ADAMTSL1: variants seen among roughly 807,000 people sequenced by gnomAD.
The protein encoded by ADAMTSL1 is ADAMTS-like protein 1.
In ADAMTSL1, 126 loss-of-function variants were observed where a neutral mutation model predicts 201.8. The observed-to-expected ratio is 0.62, with a 90% CI of 0.54 to 0.72. ADAMTSL1 has a LOEUF of 0.72. Among genes scored for constraint, ADAMTSL1 ranks in the 30% least tolerant of loss-of-function variants. The probability of loss-of-function intolerance (pLI) is 0.00; values close to 1 mark genes in which losing one functional copy is unlikely to be tolerated. For missense variants in ADAMTSL1, 2,679 were observed against 2,277.8 expected (o/e 1.18, Z -3.59); for synonymous variants, 1,121 against 903.4 (o/e 1.24, Z -4.32).
chr9:18,487,747 T>C (rs1311608954), intron 1 of ADAMTSL1, among the ~76,000 whole-genome samples: 1 of 152,204 alleles, frequency 6.6e-6, no homozygotes, highest in Non-Finnish European at 1.5e-5. Flanking sequence ...CAAATCTTAT[T>C]GAAATATGCA....
chr9:18,814,945 C>G (rs891208833), intron 20 of ADAMTSL1, among the ~76,000 whole-genome samples: 3 of 151,988 alleles, frequency 2.0e-5, no homozygotes, highest in Non-Finnish European at 4.4e-5. Context: ...GGCCAACAGG[C>G]ATATGAAAAA....
chr9:18,367,449 G>A (rs1235651338), intron 2 of ADAMTSL1, among the ~76,000 whole-genome samples: 2 of 151,664 alleles, frequency 1.3e-5, no homozygotes, highest in Non-Finnish European at 2.9e-5. Context: ...TATCTTCCTG[G>A]GTCTAAGCCC....
At chr9:18,482,934 C>G (rs571916162) in intron 1 of ADAMTSL1, among the ~76,000 whole-genome samples, 6 of 152,250 alleles carry the variant, frequency 3.9e-5, no homozygotes, top group South Asian at 2.1e-4. Context: ...ATACTACACA[C>G]TTTTAGTTCT....
intron 23 of ADAMTSL1, among the ~76,000 whole-genome samples, chr9:18,865,599 C>G (rs7875400): frequency 1.3e-5 from 2 of 151,968 alleles, no homozygotes; most frequent in African/African-American, 2.4e-5. Flanking sequence ...TACTTTCCAG[C>G]TATTTTTTAA....
At position 18,906,902 on chromosome 9, in the gene ADAMTSL1, A is replaced by T. The variant is rs1293552272; in HGVS notation, c.5172A>T (p.Pro1724=). The T allele has an allele frequency of 6.2e-7, 1 of 1,613,940 alleles. No individual in the cohort carries two copies. The highest frequency in any genetic ancestry group is 1.7e-5 in the Admixed American group (1 of 60,026). ...PANWQRCNIT[P]CENMECRDTT... The stretch of plus-strand genomic sequence containing the variant: ...ACTGGCAGCGCTGCAACATCACCCC[A>T]TGTGAAAACAGTATGTTCCAACCCC... The change falls in exon 28 of 29, where the codon CCA becomes CCT. Residue 1724 remains proline (P), a synonymous_variant. Transcript: ENST00000380548.
intron 2 of ADAMTSL1, among the ~76,000 whole-genome samples, chr9:18,375,047 G>A (rs1837224350): frequency 6.6e-6 from 1 of 152,182 alleles, no homozygotes; most frequent in Non-Finnish European, 1.5e-5. Flanking sequence ...GAAACATCTT[G>A]CTCACTTCAA....
intron 13 of ADAMTSL1, among the ~76,000 whole-genome samples, chr9:18,705,074 C>T (rs1047375563): frequency 6.6e-6 from 1 of 152,154 alleles, no homozygotes; most frequent in Non-Finnish European, 1.5e-5. Context: ...AGGCTCAGGC[C>T]CAGGACACAT....
rs572896836 is a variant in ADAMTSL1 at position 18,859,330 on chromosome 9, A to G, written c.4250-28501A>G. Among the ~76,000 whole-genome samples the G allele has an allele frequency of 3.9e-5, 6 of 152,302 alleles. No individual in the cohort carries two copies. In the South Asian group the frequency reaches 1.2e-3, roughly 32 times the overall value. ...CCATCTGCAAGAATGGCAGCATAGC[A>G]TCTTCACATTTCTCTCTGACTCGCT... On this transcript the variant is annotated intron_variant, in intron 23 of 28. Coordinates refer to ENST00000380548, the MANE Select transcript of ADAMTSL1 (RefSeq NM_001040272.6).
intron 21 of ADAMTSL1, among the ~76,000 whole-genome samples, chr9:18,819,002 G>T (rs1824035416): frequency 6.6e-6 from 1 of 152,144 alleles, no homozygotes; most frequent in Non-Finnish European, 1.5e-5. Flanking sequence ...ACCCCTCTGT[G>T]CAGGGATTAA....
rs576225878 is a variant in ADAMTSL1 at position 18,514,890 on chromosome 9, T to G, written c.191+9934T>G. ...TGATATTAGAGGAAAAGCCATTGAG[T>G]GTGATGTTAGCTGAGGACTTTTCAC... On this transcript the variant is annotated intron_variant, in intron 2 of 28. Coordinates refer to ENST00000380548, the MANE Select transcript of ADAMTSL1 (RefSeq NM_001040272.6). Among the ~76,000 whole-genome samples, 114 of 152,268 alleles carry G rather than the reference T, an allele frequency of 7.5e-4. 1 individual carries two copies. Among genetic ancestry groups the G allele is most frequent in the Non-Finnish European group, 1.4e-3 (96 of 68,018 alleles).
At chr9:18,824,248 C>T (rs1214347967) in intron 21 of ADAMTSL1, among the ~76,000 whole-genome samples, 4 of 151,906 alleles carry the variant, frequency 2.6e-5, no homozygotes, top group Non-Finnish European at 5.9e-5. Flanking sequence ...GGACAGGCAT[C>T]ATGATGCTCT....
chr9:18,889,977 G>A (rs12003812), intron 25 of ADAMTSL1, among the ~76,000 whole-genome samples: 73,461 of 151,810 alleles, frequency 0.48, 18,089 homozygotes, highest in African/African-American at 0.55. Context: ...CTAATGGCCA[G>A]CCAGGTTTCC....
chr9:18,570,066 A>C (rs1336393207), intron 3 of ADAMTSL1, among the ~76,000 whole-genome samples: 1 of 152,112 alleles, frequency 6.6e-6, no homozygotes, highest in Non-Finnish European at 1.5e-5. Context: ...TCTAAATCTT[A>C]CTTTTAAAAG....
At chr9:18,884,585 T>TTA (rs1338058535) in intron 23 of ADAMTSL1, among the ~76,000 whole-genome samples, 10 of 152,204 alleles carry the variant, frequency 6.6e-5, no homozygotes, top group Admixed American at 5.2e-4. Context: ...GAGTTAATTT[T>TTA]TATATATAGT....
At chr9:18,899,100 C>A (rs1179465564) in intron 26 of ADAMTSL1, among the ~76,000 whole-genome samples, 1 of 152,108 alleles carries the variant, frequency 6.6e-6, no homozygotes, top group Non-Finnish European at 1.5e-5. Context: ...TCAGCAAAGT[C>A]CCAGGATACA....
chr9:18,101,489 C>T (rs1005041327), intron 1 of ADAMTSL1, among the ~76,000 whole-genome samples: 3 of 148,916 alleles, frequency 2.0e-5, no homozygotes, highest in African/African-American at 7.4e-5. Flanking sequence ...CAGGGTGAGA[C>T]TCCGTCTCAA....
At chr9:18,669,092 T>C (rs1238262821) in intron 9 of ADAMTSL1, among the ~76,000 whole-genome samples, 1 of 152,216 alleles carries the variant, frequency 6.6e-6, no homozygotes, top group East Asian at 1.9e-4. Flanking sequence ...ACCTATGAGA[T>C]CTGGTTCCAG....
intron 1 of ADAMTSL1, among the ~76,000 whole-genome samples, chr9:18,136,709 T>C (rs1826172773): frequency 6.6e-6 from 1 of 151,772 alleles, no homozygotes; most frequent in Non-Finnish European, 1.5e-5. Flanking sequence ...TCAAAAGCTG[T>C]GAAGTAGGAA....
At chr9:18,268,131 A>C (rs1425443555) in intron 2 of ADAMTSL1, among the ~76,000 whole-genome samples, 3 of 152,182 alleles carry the variant, frequency 2.0e-5, no homozygotes, top group Non-Finnish European at 4.4e-5. Flanking sequence ...TGGAAGCTGA[A>C]TATTATGCTA....
Sources: gnomAD v4.1 joint callset for allele counts (sites outside exome capture counted in the v4.1 genomes callset) on GRCh38, gnomAD v4.1.1 for gene constraint, MANE v1.5 for transcripts, NCBI Gene and HGNC (gene_info 2026-07-23, HGNC 2026-07-21) for gene names.